The following HOOK3 variants were observed in gnomAD, a reference collection of about 807,000 sequenced individuals.
The protein encoded by HOOK3 is hook microtubule tethering protein 3.
HOOK3 carries 24 observed loss-of-function variants against 116.3 expected under a neutral mutation model. The ratio of observed to expected loss-of-function variants is 0.21; its 90% CI spans 0.15 to 0.29. The LOEUF is 0.29. HOOK3 is among the 10% of genes least tolerant of loss of function. HOOK3 has a pLI of 1.00. For missense variants in HOOK3, 632 were observed against 830.2 expected, an observed-to-expected ratio of 0.76 and a Z score of 2.93; for synonymous variants, 275 against 283.0, an observed-to-expected ratio of 0.97 and a Z score of 0.28.
intron 21 of HOOK3, among the ~76,000 whole-genome samples, chr8:43,014,690 T>G (rs1299784986): frequency 6.6e-6 from 1 of 152,198 alleles, no homozygotes; most frequent in Non-Finnish European, 1.5e-5. Context: ...TGTAGCTCTG[T>G]TACTGGCACA....
chr8:42,966,632 C>G lies in HOOK3; in HGVS notation c.920+19C>G. ...TGCTGAGGTAAAAACCTCACCTTCA[C>G]CGCCCAGCACAGTTTGGCTCTGGTG... On this transcript the variant is annotated intron_variant, in intron 10 of 21. Coordinates refer to ENST00000307602, the MANE Select transcript of HOOK3 (RefSeq NM_032410.4). The G allele has an allele frequency of 6.2e-7, 1 of 1,611,136 alleles. No individual in the cohort carries two copies. The highest frequency in any genetic ancestry group is 8.5e-7 in the Non-Finnish European group (1 of 1,177,750).
chr8:42,973,871 A>C (rs1160347256), intron 12 of HOOK3, among the ~76,000 whole-genome samples: 1 of 152,256 alleles, frequency 6.6e-6, no homozygotes, highest in African/African-American at 2.4e-5. Context: ...TGGAGTAGAC[A>C]GTTTTGTTTA....
At chr8:42,946,644 G>A (rs1017298255) in intron 5 of HOOK3, among the ~76,000 whole-genome samples, 4 of 151,356 alleles carry the variant, frequency 2.6e-5, no homozygotes, top group African/African-American at 4.9e-5. Context: ...TTTAATAATA[G>A]CATTATTTTC....
rs201650662 is a variant in HOOK3 at position 43,019,124 on chromosome 8, T to A, written c.*626T>A. On this transcript the variant is annotated 3_prime_UTR_variant, in exon 22 of 22. Transcript: ENST00000307602. ...ATTGTTTTATAGGAAATTAAATTTGTCCAAAGATTTGGAGACTATTTTTAA... is the reference window on the plus strand; with the variant it reads ...ATTGTTTTATAGGAAATTAAATTTGACCAAAGATTTGGAGACTATTTTTAA... 5 of 208,450 alleles carry A rather than the reference T, an allele frequency of 2.4e-5. No individual in the cohort carries two copies. The East Asian group carries it at 3.7e-4, about 16-fold the overall frequency. 12.9% of individuals were successfully genotyped at this position (208,450 alleles called of 1,614,324 possible).
Position 42,966,188 on chromosome 8 carries a change from A to T in HOOK3, c.780-285A>T, listed in dbSNP as rs181006626. On this transcript the variant is annotated intron_variant, in intron 9 of 21. Transcript: ENST00000307602. ...AGACCATATGTGTTAATTTTATAAT[A>T]AAAAAAGCCCTTAAATTGTATCTGC... is the stretch of plus-strand genomic sequence containing the variant. Among the ~76,000 whole-genome samples, 6 of 152,252 alleles carry T rather than the reference A, an allele frequency of 3.9e-5. No individual in the cohort carries two copies. In the East Asian group the frequency reaches 9.7e-4, roughly 25 times the overall value.
intron 18 of HOOK3, among the ~76,000 whole-genome samples, chr8:43,009,490 ACTCTGTATT>A (rs1809562359): frequency 6.6e-6 from 1 of 152,062 alleles, no homozygotes; most frequent in Admixed American, 6.6e-5. Context: ...TTTTTCGTTA[ACTCTGTATT>A]CTAATGAATA....
At chr8:42,981,903 A>G (rs1027025138) in intron 13 of HOOK3, among the ~76,000 whole-genome samples, 1 of 146,954 alleles carries the variant, frequency 6.8e-6, no homozygotes, top group Admixed American at 6.8e-5. Flanking sequence ...AAAAAAAAGA[A>G]TAAGGAATAT....
chr8:42,982,952 T>A (rs1044830107), intron 14 of HOOK3, among the ~76,000 whole-genome samples: 3 of 152,216 alleles, frequency 2.0e-5, no homozygotes, highest in African/African-American at 4.8e-5. Flanking sequence ...TTGAGTATCC[T>A]CAGCAGACAT....
intron 2 of HOOK3, among the ~76,000 whole-genome samples, chr8:42,909,098 G>A (rs949284585): frequency 5.3e-5 from 8 of 152,126 alleles, no homozygotes; most frequent in Admixed American, 1.3e-4. Flanking sequence ...AATTAAAACC[G>A]CAATGAGGTG....
chr8:42,981,929 CAGAG>C (rs990924425), intron 13 of HOOK3, among the ~76,000 whole-genome samples: 2 of 143,398 alleles, frequency 1.4e-5, no homozygotes, highest in Non-Finnish European at 3.0e-5. Flanking sequence ...ATAAACCTGA[CAGAG>C]AGAAATATGT....
intron 5 of HOOK3, among the ~76,000 whole-genome samples, chr8:42,944,188 G>A (rs1808181313): frequency 6.6e-6 from 1 of 152,014 alleles, no homozygotes; most frequent in Non-Finnish European, 1.5e-5. Context: ...GCCACGGTGG[G>A]CGGATCACTT....
At chr8:42,990,436 G>A (rs1265589994) in intron 15 of HOOK3, among the ~76,000 whole-genome samples, 1 of 136,366 alleles carries the variant, frequency 7.3e-6, no homozygotes, top group African/African-American at 2.8e-5. Flanking sequence ...GACAGCCCGG[G>A]CTCAAGCGAT....
intron 1 of HOOK3, among the ~76,000 whole-genome samples, chr8:42,905,325 T>TTTGGG (rs746035645): frequency 1.0e-5 from 1 of 99,112 alleles, no homozygotes; most frequent in Admixed American, 1.0e-4. Flanking sequence ...TTTCTTTTTT[T>TTTGGG]GGGGGGGGGG....
chr8:42,902,180 T>C (rs903801678), intron 1 of HOOK3, among the ~76,000 whole-genome samples: 5 of 152,148 alleles, frequency 3.3e-5, no homozygotes, highest in African/African-American at 9.7e-5. Context: ...GTAAGAATTA[T>C]TTGATGAACT....
intron 9 of HOOK3, among the ~76,000 whole-genome samples, chr8:42,965,167 A>G (rs1044348502): frequency 7.9e-5 from 12 of 152,270 alleles, no homozygotes; most frequent in Admixed American, 4.6e-4. Context: ...AAAATCTGAA[A>G]TGACTTTGGT....
At chr8:42,953,040 G>T (rs191513504) in intron 6 of HOOK3, among the ~76,000 whole-genome samples, 219 of 152,108 alleles carry the variant, frequency 1.4e-3, no homozygotes, top group Non-Finnish European at 1.3e-3. Context: ...CCTGCAAGTA[G>T]ATTTGCAGGA....
At chr8:42,971,491 A>T (rs2130430412) in intron 11 of HOOK3, among the ~76,000 whole-genome samples, 1 of 151,816 alleles carries the variant, frequency 6.6e-6, no homozygotes, top group South Asian at 2.1e-4. Flanking sequence ...CTGGTCTTGA[A>T]CTTCTGACTT....
chr8:42,972,897 A>G (rs1429122469), intron 11 of HOOK3, among the ~76,000 whole-genome samples: 2 of 152,278 alleles, frequency 1.3e-5, no homozygotes, highest in Non-Finnish European at 2.9e-5. Flanking sequence ...CATCTGCATG[A>G]ACTTCTCATT....
In HOOK3 at chr8:42,997,100, G is replaced by A. The variant is rs546255395; in HGVS notation, c.1533-450G>A. 7.4e-4 allele frequency among the ~76,000 whole-genome samples: 113 copies of A among 152,106 alleles called. 1 individual carries two copies. Among genetic ancestry groups the A allele is most frequent in the African/African-American group, 2.6e-3 (109 of 41,516 alleles). On this transcript the variant is annotated intron_variant, in intron 15 of 21. Coordinates refer to ENST00000307602, the MANE Select transcript of HOOK3 (RefSeq NM_032410.4). ...TTTTTCTATTTTTGGTAGAGATGGA[G>A]TTTCACCATGCTGGCCAGGCTGGCC...
Sources: gnomAD v4.1 joint callset for allele counts (sites outside exome capture counted in the v4.1 genomes callset) on GRCh38, gnomAD v4.1.1 for gene constraint, MANE v1.5 for transcripts, NCBI Gene and HGNC (gene_info 2026-07-23, HGNC 2026-07-21) for gene names.